MAP3K9: variants seen among roughly 807,000 people sequenced by gnomAD.
MAP3K9 encodes mitogen-activated protein kinase kinase kinase 9.
MAP3K9 carries 46 observed loss-of-function variants against 95.8 expected under a neutral mutation model. The observed-to-expected ratio is 0.48, with a 90% CI of 0.38 to 0.61. MAP3K9 has a LOEUF of 0.61. MAP3K9 is among the 20% of genes least tolerant of loss of function. The pLI is 0.00. For missense variants in MAP3K9, 1,296 were observed against 1,474.3 expected, an observed-to-expected ratio of 0.88 and a Z score of 1.98; for synonymous variants, 533 against 593.8, an observed-to-expected ratio of 0.90 and a Z score of 1.49.
chr14:70,795,184 G>T lies in MAP3K9; in HGVS notation c.820+5483C>A, dbSNP rs182500108. The stretch of plus-strand genomic sequence containing the variant: ...ATTTTTTTTGTTTGTTCTTAGTAGA[G>T]ATGGGGTTTCACTATGATGGCCAGG... On this transcript the variant is annotated intron_variant, in intron 2 of 11. Coordinates refer to ENST00000554752, the MANE Select transcript of MAP3K9 (RefSeq NM_001284230.2). 6.3e-4 allele frequency among the ~76,000 whole-genome samples: 95 copies of T among 151,696 alleles called. 1 individual carries two copies. Among genetic ancestry groups the T allele is most frequent in the Admixed American group, 3.9e-4 (6 of 15,234 alleles).
intron 5 of MAP3K9, among the ~76,000 whole-genome samples, chr14:70,748,044 C>A (rs2054172804): frequency 6.7e-6 from 1 of 149,188 alleles, no homozygotes; most frequent in Non-Finnish European, 1.5e-5. Context: ...GAGGCAGAGC[C>A]TGCAGTGAGC....
rs779005476 is a variant in MAP3K9, at chr14:70,749,951, A to G, written c.1132T>C (p.Phe378Leu). The G allele has an allele frequency of 1.2e-5, 20 of 1,614,084 alleles. No homozygotes were observed. Residue 378 changes from phenylalanine (F) to leucine (L), a missense_variant, in exon 4 of 12, where the codon TTT (phenylalanine) becomes CTT (leucine). Physicochemically the swap from Phe to Leu is conservative, Grantham distance 22. This residue lies in a region of MAP3K9 where 136 missense variants were observed against 221.5 expected (regional missense o/e 0.61). Transcript: ENST00000554752. ...LPIPSTCPEP[F>L]AKLMEDCWNP... The stretch of plus-strand genomic sequence containing the variant: ...TACTTACCTTCCATGAGTTTGGCAA[A>G]AGGTTCTGGGCACGTAGAAGGAATA...
rs116255798 is a variant in MAP3K9, at chr14:70,794,660, G to A, written c.820+6007C>T. ...ACAGTGTTTTTACCCCTGTTTTTCCGTTTTCTTTTTCTTTTCTTTTTTCTT... is the reference window on the plus strand; with the variant it reads ...ACAGTGTTTTTACCCCTGTTTTTCCATTTTCTTTTTCTTTTCTTTTTTCTT... On this transcript the variant is annotated intron_variant, in intron 2 of 11. Transcript: ENST00000554752. 8.8e-3 allele frequency among the ~76,000 whole-genome samples: 1,326 copies of A among 150,862 alleles called. 29 individuals carry two copies. The highest frequency in any genetic ancestry group is 0.031 in the African/African-American group (1,258 of 41,238).
In MAP3K9 at chr14:70,778,685, C is replaced by T. The variant is rs529830729; in HGVS notation, c.821-17503G>A. 1.4e-4 allele frequency among the ~76,000 whole-genome samples: 21 copies of T among 152,332 alleles called. No individual in the cohort carries two copies. The East Asian group carries it at 3.7e-3, about 27-fold the overall frequency. On this transcript the variant is annotated intron_variant, in intron 2 of 11. Transcript: ENST00000554752. Reference sequence around the variant, plus strand: ...GGCAGGCACCATGCTAAGCATTTTACGTGCAGTACTTATATAAAAACAGAT... The same window carrying T: ...GGCAGGCACCATGCTAAGCATTTTATGTGCAGTACTTATATAAAAACAGAT...
intron 7 of MAP3K9, among the ~76,000 whole-genome samples, 169 bp from the exon 8 acceptor site, chr14:70,738,567 C>T (rs2054019301): frequency 6.6e-6 from 1 of 152,220 alleles, no homozygotes. Context: ...ATGGAGTTCT[C>T]AGCCACCAAT....
In MAP3K9 at chr14:70,733,114, G is replaced by A; in HGVS notation, c.2255C>T (p.Ala752Val). ...GGAHHRRCEV[A>V]LLGCGAVLAA... ...CAGAACAGCCCCACAGCCGAGCAGA[G>A]CCACCTCGCAGCGGCGGTGGTGGGC... Residue 752 changes from alanine (A) to valine (V), a missense_variant, in exon 11 of 12, where the codon GCT (alanine) becomes GTT (valine). Physicochemically the swap from Ala to Val is moderately conservative, Grantham distance 64. Transcript: ENST00000554752. 1.2e-6 allele frequency: 2 copies of A among 1,614,016 alleles called. No individual in the cohort carries two copies. Among genetic ancestry groups the A allele is most frequent in the Admixed American group, 1.7e-5 (1 of 60,014 alleles).
chr14:70,738,396 TCACTGTG>T lies in MAP3K9; in HGVS notation c.1691-5_1692del. 6.2e-7 allele frequency: 1 copy of T among 1,613,624 alleles called. No homozygotes were observed. Among genetic ancestry groups the T allele is most frequent in the Non-Finnish European group, 8.5e-7 (1 of 1,179,842 alleles). ...CAGGTTTTGCTGCTTTCACCTGGTG[TCACTGTG>T]AATCACAAGGGTTGGATAGGATCTA... On this transcript the variant is annotated splice_acceptor_variant and splice_polypyrimidine_tract_variant and coding_sequence_variant and intron_variant, in exon 8 of 12. Coordinates refer to ENST00000554752, the MANE Select transcript of MAP3K9 (RefSeq NM_001284230.2). LOFTEE classifies it high-confidence loss of function.
chr14:70,753,671 G>A (rs1188888724), intron 3 of MAP3K9, among the ~76,000 whole-genome samples: 5 of 152,040 alleles, frequency 3.3e-5, no homozygotes, highest in Admixed American at 1.3e-4. Context: ...GTACCTCCCC[G>A]CAACACAGAC....
chr14:70,806,937 T>C (rs2054996078), intron 1 of MAP3K9, among the ~76,000 whole-genome samples: 1 of 152,228 alleles, frequency 6.6e-6, no homozygotes, highest in African/African-American at 2.4e-5. Context: ...CAAAACACTA[T>C]GCCAGGATGC....
At chr14:70,748,485 T>A (rs1296585701) in intron 5 of MAP3K9, among the ~76,000 whole-genome samples, 1 of 152,242 alleles carries the variant, frequency 6.6e-6, no homozygotes, top group African/African-American at 2.4e-5. Context: ...CTGATAACTA[T>A]CCTCAAGGTT....
chr14:70,759,737 C>T (rs1405154265), intron 3 of MAP3K9, among the ~76,000 whole-genome samples: 1 of 152,154 alleles, frequency 6.6e-6, no homozygotes, highest in Non-Finnish European at 1.5e-5. Context: ...TTTAAATATA[C>T]TAAAAACCAC....
chr14:70,745,014 T>C (rs377129815), intron 5 of MAP3K9, among the ~76,000 whole-genome samples: 3 of 152,126 alleles, frequency 2.0e-5, no homozygotes, highest in South Asian at 2.1e-4. Context: ...GGAGGGGATA[T>C]AGAATCAGGA....
chr14:70,781,125 GACTC>G (rs1340965728), intron 2 of MAP3K9, among the ~76,000 whole-genome samples: 1 of 152,222 alleles, frequency 6.6e-6, no homozygotes, highest in Non-Finnish European at 1.5e-5. Flanking sequence ...GTGGTCTTGA[GACTC>G]ACTTTAACAG....
At chr14:70,780,280 GA>G (rs1475577150) in intron 2 of MAP3K9, among the ~76,000 whole-genome samples, 1 of 152,216 alleles carries the variant, frequency 6.6e-6, no homozygotes, top group Admixed American at 6.5e-5. Context: ...CTGGAGGATA[GA>G]AGGAGACATG....
intron 2 of MAP3K9, among the ~76,000 whole-genome samples, chr14:70,779,796 G>A (rs1254725097): frequency 6.6e-6 from 1 of 152,204 alleles, no homozygotes; most frequent in Non-Finnish European, 1.5e-5. Flanking sequence ...GCCACTCCTT[G>A]CCAACGCGGC....
At chr14:70,762,384 C>T (rs1566747715) in intron 2 of MAP3K9, among the ~76,000 whole-genome samples, 1 of 152,214 alleles carries the variant, frequency 6.6e-6, no homozygotes, top group Non-Finnish European at 1.5e-5. Context: ...AATTTCTCCA[C>T]ATCCTCACGA....
At chr14:70,787,064 A>C (rs775885002) in intron 2 of MAP3K9, among the ~76,000 whole-genome samples, 3 of 152,206 alleles carry the variant, frequency 2.0e-5, no homozygotes, top group Non-Finnish European at 4.4e-5. Context: ...GGAAAGCCAA[A>C]TATAAAGATG....
intron 3 of MAP3K9, among the ~76,000 whole-genome samples, chr14:70,750,325 G>C (rs2054207754): frequency 6.6e-6 from 1 of 152,144 alleles, no homozygotes; most frequent in South Asian, 2.1e-4. Flanking sequence ...ATGACCTTGG[G>C]CAAGGCACTA....
At chr14:70,772,163 A>T (rs2054540215) in intron 2 of MAP3K9, among the ~76,000 whole-genome samples, 1 of 152,216 alleles carries the variant, frequency 6.6e-6, no homozygotes, top group Non-Finnish European at 1.5e-5. Context: ...CGGTGGCCCC[A>T]GCAGCTTCCG....
Sources: allele counts gnomAD v4.1 joint callset (sites outside exome capture counted in the v4.1 genomes callset), GRCh38; gene constraint gnomAD v4.1.1; regional missense constraint gnomAD v4.1.1; transcripts MANE v1.5; gene names NCBI Gene and HGNC (gene_info 2026-07-23, HGNC 2026-07-21).